The following TNR variants were observed in gnomAD, a reference collection of about 807,000 sequenced individuals.
TNR encodes the protein tenascin R.
A neutral mutation model predicts 150.4 loss-of-function variants in TNR; 45 were observed. The ratio of observed to expected loss-of-function variants is 0.30; its 90% CI spans 0.24 to 0.38. The LOEUF (loss-of-function observed/expected upper bound fraction) is 0.38. TNR is among the 10% of genes least tolerant of loss of function. The pLI, the probability that TNR is intolerant of heterozygous loss-of-function variation, is 1.00. For synonymous variants in TNR, 687 were observed against 678.4 expected (o/e 1.01, Z -0.20); for missense variants, 1,544 against 1,759.1 (o/e 0.88, Z 2.19).
chr1:175,661,081 T>C (rs1286246479), intron 1 of TNR, among the ~76,000 whole-genome samples: 1 of 152,180 alleles, frequency 6.6e-6, no homozygotes, highest in East Asian at 1.9e-4. Context: ...TCCATTCCAC[T>C]CTTCAGTTAC....
chr1:175,706,880 T>C (rs1352613515), intron 1 of TNR, among the ~76,000 whole-genome samples: 2 of 152,168 alleles, frequency 1.3e-5, no homozygotes, highest in Non-Finnish European at 2.9e-5. Flanking sequence ...CAAGAAGTTG[T>C]AGCTTTCTGT....
At chr1:175,489,117 G>T (rs1026978907) in intron 2 of TNR, among the ~76,000 whole-genome samples, 1 of 152,180 alleles carries the variant, frequency 6.6e-6, no homozygotes, top group Non-Finnish European at 1.5e-5. Flanking sequence ...GGAAAAAGGT[G>T]ATATGATTAT....
intron 10 of TNR, among the ~76,000 whole-genome samples, chr1:175,366,368 C>T (rs1414648024): frequency 6.6e-6 from 1 of 152,136 alleles, no homozygotes; most frequent in African/African-American, 2.4e-5. Context: ...GCTCTGATAC[C>T]ACTGGATTGC....
chr1:175,509,139 T>G (rs939531463), intron 2 of TNR, among the ~76,000 whole-genome samples: 1 of 152,240 alleles, frequency 6.6e-6, no homozygotes, highest in Admixed American at 6.5e-5. Context: ...GCCATTATTT[T>G]GCTGGGGCAG....
At chr1:175,452,440 A>G (rs116461057) in intron 2 of TNR, among the ~76,000 whole-genome samples, 1,873 of 152,342 alleles carry the variant, frequency 0.012, 34 homozygotes, top group African/African-American at 0.041. Context: ...ACCCAGGTGG[A>G]CGGGGGGACG....
At position 175,642,243 on chromosome 1, in the gene TNR, T is replaced by G. The variant is rs138597778; in HGVS notation, c.-165+100983A>C. Among the ~76,000 whole-genome samples, 734 of 152,218 alleles carry G rather than the reference T, an allele frequency of 4.8e-3. 3 individuals carry two copies. The highest frequency in any genetic ancestry group is 8.0e-3 in the Non-Finnish European group (545 of 68,008). On this transcript the variant is annotated intron_variant, in intron 1 of 22. Coordinates refer to ENST00000367674, the MANE Select transcript of TNR (RefSeq NM_003285.3). ...GTATGTGAAAAGTGTATAGGCATTGTGTGCACACATACACACACGTGCTAT... is the reference window on the plus strand; with the variant it reads ...GTATGTGAAAAGTGTATAGGCATTGGGTGCACACATACACACACGTGCTAT...
intron 2 of TNR, among the ~76,000 whole-genome samples, chr1:175,527,320 A>T (rs945088547): frequency 6.6e-6 from 1 of 152,190 alleles, no homozygotes. Flanking sequence ...CTTTGTAGTC[A>T]AGTGCCCCCA....
chr1:175,642,573 G>T (rs1664697802), intron 1 of TNR, among the ~76,000 whole-genome samples: 1 of 152,176 alleles, frequency 6.6e-6, no homozygotes, highest in Admixed American at 6.5e-5. Flanking sequence ...AGGATGCGGT[G>T]CAAGGATTGC....
At chr1:175,524,787 G>C (rs1358597624) in intron 2 of TNR, among the ~76,000 whole-genome samples, 1 of 152,218 alleles carries the variant, frequency 6.6e-6, no homozygotes, top group Non-Finnish European at 1.5e-5. Context: ...TAAAGCATAA[G>C]ATGTTGAGAG....
At chr1:175,571,466 C>A (rs187758816) in intron 1 of TNR, among the ~76,000 whole-genome samples, 95 of 152,284 alleles carry the variant, frequency 6.2e-4, no homozygotes, top group Non-Finnish European at 1.8e-4. Context: ...AGAGCAATTC[C>A]CTCAAAGTGG....
chr1:175,369,056 T>TA (rs1271640687), intron 9 of TNR, among the ~76,000 whole-genome samples: 2 of 152,194 alleles, frequency 1.3e-5, no homozygotes, highest in Admixed American at 6.5e-5. Flanking sequence ...GTCCTTCCGG[T>TA]AGGCTCTTTT....
intron 2 of TNR, among the ~76,000 whole-genome samples, chr1:175,489,289 A>C (rs1171116766): frequency 1.3e-5 from 2 of 152,166 alleles, no homozygotes; most frequent in Non-Finnish European, 2.9e-5. Context: ...TGCATAACTC[A>C]TGTGGTCCCC....
chr1:175,386,261 C>T lies in TNR; in HGVS notation c.1548G>A (p.Ser516=), dbSNP rs745794681. Residue 516 remains serine, a synonymous_variant, in exon 8 of 23, where the codon TCG becomes TCA. Coordinates refer to ENST00000367674, the MANE Select transcript of TNR (RefSeq NM_003285.3). ...TCCACTCCACAAAAGCCACAGTGTC[C>T]GAGACATCGCGAACCAGGATCTGCG... The part of the protein sequence containing the change: ...GPTQILVRDV[S]DTVAFVEWIP... 1.0e-5 allele frequency: 16 copies of T among 1,586,964 alleles called. No homozygotes were observed. Among genetic ancestry groups the T allele is most frequent in the East Asian group, 2.3e-5 (1 of 44,274 alleles).
chr1:175,735,005 A>G (rs1022181117), intron 1 of TNR, among the ~76,000 whole-genome samples: 2 of 152,248 alleles, frequency 1.3e-5, no homozygotes, highest in African/African-American at 4.8e-5. Flanking sequence ...TTATATCTCT[A>G]TAAATATATA....
At chr1:175,594,927 G>A (rs983678159) in intron 1 of TNR, among the ~76,000 whole-genome samples, 9 of 151,898 alleles carry the variant, frequency 5.9e-5, no homozygotes, top group Admixed American at 6.6e-5. Context: ...CACTTTGGGA[G>A]GCCAAAGTGG....
chr1:175,657,470 C>T lies in TNR; in HGVS notation c.-165+85756G>A, dbSNP rs576522309. 3.6e-3 allele frequency among the ~76,000 whole-genome samples: 544 copies of T among 152,138 alleles called. 3 individuals are homozygous for T. The highest frequency in any genetic ancestry group is 8.3e-3 in the Admixed American group (127 of 15,286). On this transcript the variant is annotated intron_variant, in intron 1 of 22. Transcript: ENST00000367674. Reference sequence around the variant, plus strand: ...ATGCTGCTATCAAGACACATGCACACGTATGTTTATTGTGGCACTATTCAC... The same window carrying T: ...ATGCTGCTATCAAGACACATGCACATGTATGTTTATTGTGGCACTATTCAC...
chr1:175,495,813 C>A (rs931100744), intron 2 of TNR, among the ~76,000 whole-genome samples: 3 of 152,182 alleles, frequency 2.0e-5, no homozygotes, highest in African/African-American at 7.2e-5. Flanking sequence ...CTGGGACCTG[C>A]GTCAGGCATT....
At chr1:175,731,210 C>T (rs1667630913) in intron 1 of TNR, among the ~76,000 whole-genome samples, 4 of 152,028 alleles carry the variant, frequency 2.6e-5, no homozygotes, top group Admixed American at 2.6e-4. Context: ...ATTTCAATCA[C>T]CAGCCCAATT....
chr1:175,672,353 C>T (rs891016132), intron 1 of TNR, among the ~76,000 whole-genome samples: 5 of 152,166 alleles, frequency 3.3e-5, no homozygotes, highest in Non-Finnish European at 5.9e-5. Flanking sequence ...GTAGTTGCCA[C>T]CCTGACTTTG....
Sources: gnomAD v4.1 joint callset for allele counts (sites outside exome capture counted in the v4.1 genomes callset) on GRCh38, gnomAD v4.1.1 for gene constraint, MANE v1.5 for transcripts, NCBI Gene and HGNC (gene_info 2026-07-23, HGNC 2026-07-21) for gene names.